Variants in SLC36A1 observed in about 807,000 individuals in gnomAD.
SLC36A1 encodes solute carrier family 36 member 1, also known as proton-coupled amino acid transporter 1.
SLC36A1 carries 30 observed loss-of-function variants against 47.5 expected under a neutral mutation model. That is an observed-to-expected ratio of 0.63 (90% CI 0.47 to 0.86). SLC36A1 has a LOEUF of 0.86. Ranked by LOEUF, SLC36A1 falls within the 40% of genes least tolerant of loss-of-function variation. The pLI is 0.00. For synonymous variants in SLC36A1, 255 were observed against 249.7 expected (o/e 1.02, Z -0.20); for missense variants, 517 against 606.0 (o/e 0.85, Z 1.54).
the SLC36A1 span, chr5:151,527,352 C>T: frequency 5.6e-6 from 9 of 1,609,752 alleles, no homozygotes; most frequent in African/African-American, 2.7e-5. Context: ...GTCTGTGGCT[C>T]GGAGCTTCAG....
chr5:151,458,835 A>G lies in SLC36A1; in HGVS notation c.43A>G (p.Ser15Gly), dbSNP rs751951454. ...TCGGAATGAAGACTACCACGACTAC[A>G]GCTCCACGGACGTGAGCCCTGAGGA... Reference protein sequence around the residue: ...RLRNEDYHDYSSTDVSPEESP... With the variant: ...RLRNEDYHDYGSTDVSPEESP... Residue 15 changes from serine to glycine, a missense_variant, in exon 2 of 11, where the codon AGC (serine) becomes GGC (glycine). Ser to Gly is a moderately conservative substitution (Grantham distance 56). Transcript: ENST00000243389. 1.2e-6 allele frequency: 2 copies of G among 1,614,118 alleles called. No individual in the cohort carries two copies. Among genetic ancestry groups the G allele is most frequent in the South Asian group, 1.1e-5 (1 of 91,084 alleles).
chr5:151,429,820 C>T, the SLC36A1 span, among the ~76,000 whole-genome samples: 1 of 152,134 alleles, frequency 6.6e-6, no homozygotes, highest in East Asian at 1.9e-4. Flanking sequence ...CTTGAACACA[C>T]GTAGAAACAG....
chr5:151,554,870 C>A, the SLC36A1 span, among the ~76,000 whole-genome samples: 4 of 152,216 alleles, frequency 2.6e-5, no homozygotes, highest in Admixed American at 6.5e-5. Context: ...AGAAAGGAAG[C>A]AGAAAGAACT....
At chr5:151,377,606 C>T in the SLC36A1 span, among the ~76,000 whole-genome samples, 5 of 151,912 alleles carry the variant, frequency 3.3e-5, no homozygotes, top group African/African-American at 1.2e-4. Flanking sequence ...CTCGGCCTCC[C>T]AAAGTGCTGG....
At chr5:151,354,451 C>T in the SLC36A1 span, among the ~76,000 whole-genome samples, 1 of 152,198 alleles carries the variant, frequency 6.6e-6, no homozygotes, top group East Asian at 1.9e-4. Context: ...AGGAGATTTT[C>T]TTCTACCAAG....
chr5:151,462,577 A>C (rs1450449928), intron 2 of SLC36A1, among the ~76,000 whole-genome samples: 2 of 151,544 alleles, frequency 1.3e-5, no homozygotes, highest in Admixed American at 6.6e-5. Context: ...GTTGGCCAGG[A>C]TAGTCTCAAT....
chr5:151,537,532 T>C, the SLC36A1 span, among the ~76,000 whole-genome samples: 1 of 152,190 alleles, frequency 6.6e-6, no homozygotes, highest in Non-Finnish European at 1.5e-5. Context: ...CCCCTTAGCA[T>C]TCTGCACTTT....
the SLC36A1 span, chr5:151,512,714 G>T: frequency 9.5e-7 from 1 of 1,055,682 alleles, no homozygotes; most frequent in East Asian, 2.6e-5. The surrounding 1 kb of genome is among the most constrained non-coding windows in gnomAD (Gnocchi z 4.1). Context: ...GGGTAGGAGG[G>T]GGGTGTTTGG....
At chr5:151,542,975 C>T in the SLC36A1 span, 1 of 1,614,088 alleles carries the variant, frequency 6.2e-7, no homozygotes, top group Non-Finnish European at 8.5e-7. Context: ...GGATCTTGAG[C>T]TGCCACTGCT....
chr5:151,474,547 T>C (rs936142392), intron 8 of SLC36A1, among the ~76,000 whole-genome samples: 3 of 152,258 alleles, frequency 2.0e-5, no homozygotes, highest in Non-Finnish European at 4.4e-5. Context: ...GCACAGACCC[T>C]GACACATGGT....
the SLC36A1 span, among the ~76,000 whole-genome samples, chr5:151,418,000 G>T: frequency 6.6e-6 from 1 of 152,236 alleles, no homozygotes; most frequent in Non-Finnish European, 1.5e-5. Context: ...ATGGCTAAAA[G>T]GTGCCAACAT....
the SLC36A1 span, chr5:151,538,023 G>T: frequency 7.5e-7 from 1 of 1,340,672 alleles, no homozygotes; most frequent in Non-Finnish European, 1.0e-6. Flanking sequence ...GTGACTGACT[G>T]AGGGAGGCAG....
At chr5:151,427,035 C>T in the SLC36A1 span, among the ~76,000 whole-genome samples, 1 of 152,166 alleles carries the variant, frequency 6.6e-6, no homozygotes, top group African/African-American at 2.4e-5. Context: ...AACAGCATCT[C>T]AAGGCAGAAG....
At chr5:151,426,837 C>T in the SLC36A1 span, among the ~76,000 whole-genome samples, 54 of 152,298 alleles carry the variant, frequency 3.5e-4, no homozygotes, top group Admixed American at 9.1e-4. Context: ...GAGGTCCCTG[C>T]GGCCTTCCGC....
chr5:151,484,672 G>A (rs1759279104), intron 10 of SLC36A1, among the ~76,000 whole-genome samples: 1 of 152,230 alleles, frequency 6.6e-6, no homozygotes, highest in South Asian at 2.1e-4. Flanking sequence ...TTATGGAGCA[G>A]GGACTGGTGA....
chr5:151,413,170 T>C, the SLC36A1 span, among the ~76,000 whole-genome samples: 18 of 152,040 alleles, frequency 1.2e-4, no homozygotes, highest in African/African-American at 4.3e-4. Context: ...ATGAATTAAT[T>C]CATTCATTGA....
intron 10 of SLC36A1, among the ~76,000 whole-genome samples, chr5:151,483,434 G>A (rs1581215318): frequency 1.3e-5 from 2 of 150,422 alleles, no homozygotes; most frequent in Admixed American, 1.3e-4. Context: ...ACACGCCACA[G>A]CTGAGCTGCT....
chr5:151,555,796 A>G, the SLC36A1 span, among the ~76,000 whole-genome samples: 1 of 152,370 alleles, frequency 6.6e-6, no homozygotes, highest in South Asian at 2.1e-4. Context: ...AGAAGAGATC[A>G]TCAGTGAAGG....
chr5:151,502,903 C>A, the SLC36A1 span, among the ~76,000 whole-genome samples: 1 of 147,990 alleles, frequency 6.8e-6, no homozygotes, highest in Non-Finnish European at 1.5e-5. Context: ...GAGTATTATT[C>A]GGCACTACAA....
Sources: gnomAD v4.1 joint callset for allele counts (sites outside exome capture counted in the v4.1 genomes callset) on GRCh38, gnomAD v4.1.1 for gene constraint, Gnocchi (gnomAD v3.1) non-coding constraint, MANE v1.5 for transcripts, NCBI Gene and HGNC (gene_info 2026-07-23, HGNC 2026-07-21) for gene names.